TOMM20L: variants seen among roughly 807,000 people sequenced by gnomAD.
TOMM20L encodes TOMM20-like protein 1.
Under a neutral mutation model 20.4 loss-of-function variants are expected in TOMM20L, and 19 were observed. That is an observed-to-expected ratio of 0.93 (90% CI 0.65 to 1.36). The LOEUF is 1.36. Ranked by LOEUF, TOMM20L falls within the 40% of genes most tolerant of loss-of-function variation. The pLI is 0.00. For missense variants in TOMM20L, 218 were observed against 203.7 expected (o/e 1.07, Z -0.43); for synonymous variants, 75 against 79.6 (o/e 0.94, Z 0.30).
chr14:58,409,038 C>T (rs370797955), downstream of TOMM20L: 6 of 1,611,712 alleles, frequency 3.7e-6, no homozygotes, highest in African/African-American at 4.0e-5. Context: ...ACTTCTCTAT[C>T]GTGGTTGGCC....
At chr14:58,411,176 G>A (rs949481358), downstream of TOMM20L, among the ~76,000 whole-genome samples, 2 of 152,078 alleles carry the variant, frequency 1.3e-5, no homozygotes. Flanking sequence ...GGCCGGGTGC[G>A]GTAGCTCATG....
intron 3 of TOMM20L, among the ~76,000 whole-genome samples, chr14:58,404,196 C>T (rs1380048391): frequency 8.8e-6 from 1 of 113,816 alleles, no homozygotes; most frequent in African/African-American, 3.3e-5. Flanking sequence ...GTGGCGGGAT[C>T]TCGGCTCACT....
intron 3 of TOMM20L, among the ~76,000 whole-genome samples, chr14:58,404,117 A>T (rs1428850831): frequency 0.016 from 211 of 13,450 alleles, 14 homozygotes; most frequent in African/African-American, 0.028. Context: ...ATATATATAT[A>T]TATTTTTTTT....
At chr14:58,398,815 A>T (rs1410586085) in intron 2 of TOMM20L, 1 of 152,026 alleles carries the variant, frequency 6.6e-6, no homozygotes, top group Non-Finnish European at 1.5e-5. Context: ...GAAATAATAA[A>T]TTATTTCAAG....
chr14:58,416,100 C>T, the TOMM20L span, among the ~76,000 whole-genome samples: 1 of 150,986 alleles, frequency 6.6e-6, no homozygotes, highest in South Asian at 2.1e-4. Flanking sequence ...TGGTGGCACA[C>T]ACCTGTAATC....
chr14:58,398,648 AAAT>A (rs1376126813), intron 2 of TOMM20L: 6 of 151,956 alleles, frequency 3.9e-5, no homozygotes, highest in Admixed American at 1.3e-4. Flanking sequence ...TTCATATGGG[AAAT>A]AATAAATGAT....
chr14:58,399,601 T>C (rs1452737288), intron 2 of TOMM20L, among the ~76,000 whole-genome samples: 1 of 151,960 alleles, frequency 6.6e-6, no homozygotes, highest in African/African-American at 2.4e-5. Flanking sequence ...AGAAGATCTT[T>C]CCCTTCTCCA....
chr14:58,410,959 T>C (rs1156424086), downstream of TOMM20L: 7 of 1,554,388 alleles, frequency 4.5e-6, no homozygotes, highest in South Asian at 8.2e-5. Flanking sequence ...ACCAGAATGT[T>C]CTTTAGTATT....
At chr14:58,401,569 C>CA (rs538892715) in intron 2 of TOMM20L, among the ~76,000 whole-genome samples, 14,862 of 83,662 alleles carry the variant, frequency 0.18, 1,031 homozygotes, top group African/African-American at 0.31. Context: ...GACTCTGTCT[C>CA]AAAAAAAAAA....
chr14:58,409,027 G>A (rs375779654), downstream of TOMM20L: 3 of 1,607,574 alleles, frequency 1.9e-6, no homozygotes, highest in African/African-American at 4.0e-5. Flanking sequence ...CATCCATCAG[G>A]ACTTCTCTAT....
intron 2 of TOMM20L, among the ~76,000 whole-genome samples, chr14:58,396,975 T>G (rs768680083): frequency 6.6e-6 from 1 of 152,142 alleles, no homozygotes; most frequent in Non-Finnish European, 1.5e-5. Flanking sequence ...GTGCCTGTAG[T>G]CTCAGCTACT....
downstream of TOMM20L, chr14:58,410,775 C>T: frequency 9.2e-7 from 1 of 1,088,914 alleles, no homozygotes; most frequent in East Asian, 2.4e-5. Flanking sequence ...AAGTGAAATG[C>T]TTAAGGGGAT....
downstream of TOMM20L, among the ~76,000 whole-genome samples, chr14:58,410,607 A>T (rs191176387): frequency 6.6e-5 from 10 of 152,352 alleles, no homozygotes; most frequent in Admixed American, 5.9e-4. Flanking sequence ...GTAACTCAGC[A>T]GCTGCAGGCA....
At chr14:58,412,207 A>G (rs370252022), downstream of TOMM20L, 9 of 364,452 alleles carry the variant, frequency 2.5e-5, no homozygotes, top group Admixed American at 4.1e-5. Flanking sequence ...CAGTGGCGCC[A>G]TCTTGGCTCA....
At chr14:58,413,910 G>A in the TOMM20L span, among the ~76,000 whole-genome samples, 1 of 140,830 alleles carries the variant, frequency 7.1e-6, no homozygotes, top group Middle Eastern at 3.9e-3. Flanking sequence ...GGGAGGCTGA[G>A]GCAGAAGAAT....
At chr14:58,396,213 C>A in intron 1 of TOMM20L, 85 bp from the exon 2 acceptor site, 3 of 1,569,148 alleles carry the variant, frequency 1.9e-6, no homozygotes, top group Non-Finnish European at 2.6e-6. Flanking sequence ...GAGGGGCCCG[C>A]GGCGCCCGGG....
chr14:58,408,984 A>C, downstream of TOMM20L: 1 of 1,586,908 alleles, frequency 6.3e-7, no homozygotes, highest in Non-Finnish European at 8.5e-7. Flanking sequence ...CATTTCCAAT[A>C]AAGCAGCTGT....
At chr14:58,403,704 G>C (rs1176516431) in intron 3 of TOMM20L, among the ~76,000 whole-genome samples, 1 of 151,932 alleles carries the variant, frequency 6.6e-6, no homozygotes, top group Non-Finnish European at 1.5e-5. Flanking sequence ...CGGGCATGGT[G>C]GTGGGCGCCT....
At position 58,404,090 on chromosome 14, in the gene TOMM20L, C is replaced by CATATATGTGTGTGTATATATATATAT. The variant is rs1470382627; in HGVS notation, c.262+1335_262+1336insGTGTGTGTATATATATATATATATAT. Among the ~76,000 whole-genome samples the CATATATGTGTGTGTATATATATATAT allele has an allele frequency of 5.9e-4, 10 of 16,836 alleles. No homozygotes were observed. The South Asian group carries it at 7.3e-3, about 12-fold the overall frequency. The allele number at this position is 16,836 out of a possible 152,430, so 11.0% of individuals were successfully genotyped here. On this transcript the variant is annotated intron_variant, in intron 3 of 4. Coordinates refer to ENST00000360945, the MANE Select transcript of TOMM20L (RefSeq NM_207377.3). ...CACCCATCAGTACAATGTATATATA[C>CATATATGTGTGTGTATATATATATAT]ATATATATGTATATATATATATATA... is the stretch of plus-strand genomic sequence containing the variant.
Sources: gnomAD v4.1 joint callset for allele counts (sites outside exome capture counted in the v4.1 genomes callset) on GRCh38, gnomAD v4.1.1 for gene constraint, MANE v1.5 for transcripts, NCBI Gene and HGNC (gene_info 2026-07-23, HGNC 2026-07-21) for gene names.